Variants in PPARGC1A observed in about 807,000 individuals in gnomAD.
PPARGC1A encodes the protein PPARG coactivator 1 alpha.
Under a neutral mutation model 88.7 loss-of-function variants are expected in PPARGC1A, and 25 were observed. The ratio of observed to expected loss-of-function variants is 0.28; its 90% CI spans 0.21 to 0.39. The LOEUF is 0.39. PPARGC1A is among the 10% of genes least tolerant of loss of function. PPARGC1A has a pLI of 1.00. For synonymous variants in PPARGC1A, 363 were observed against 355.6 expected (o/e 1.02, Z -0.24); for missense variants, 880 against 968.7 (o/e 0.91, Z 1.22).
At chr4:24,448,623 C>T in the PPARGC1A span, among the ~76,000 whole-genome samples, 5 of 152,156 alleles carry the variant, frequency 3.3e-5, no homozygotes, top group Non-Finnish European at 7.3e-5. Context: ...ACCACAGCCT[C>T]GAACTCTCCC....
At chr4:24,005,991 T>G in the PPARGC1A span, among the ~76,000 whole-genome samples, 1 of 152,184 alleles carries the variant, frequency 6.6e-6, no homozygotes, top group Non-Finnish European at 1.5e-5. Context: ...GATGCAAGAT[T>G]CCTGATTTTT....
At chr4:24,073,901 A>G in the PPARGC1A span, among the ~76,000 whole-genome samples, 1 of 152,120 alleles carries the variant, frequency 6.6e-6, no homozygotes, top group Non-Finnish European at 1.5e-5. Context: ...GTGGTGCAGG[A>G]AAGAGGGCAG....
chr4:24,217,732 G>A, the PPARGC1A span, among the ~76,000 whole-genome samples: 11 of 152,262 alleles, frequency 7.2e-5, no homozygotes, highest in East Asian at 1.9e-4. Flanking sequence ...GAGCCCAGGC[G>A]GCAGAGGTTG....
At chr4:23,901,226 C>T (rs1719307756), upstream of PPARGC1A, among the ~76,000 whole-genome samples, 1 of 152,066 alleles carries the variant, frequency 6.6e-6, no homozygotes, top group Non-Finnish European at 1.5e-5. Context: ...AAAAATTAGC[C>T]AGGCGTGGTG....
the PPARGC1A span, among the ~76,000 whole-genome samples, chr4:24,145,190 C>T: frequency 3.3e-5 from 5 of 151,586 alleles, no homozygotes; most frequent in Non-Finnish European, 5.9e-5. Flanking sequence ...TCCTCATAAC[C>T]GTCCTATAAG....
the PPARGC1A span, among the ~76,000 whole-genome samples, chr4:24,379,762 G>C: frequency 4.0e-5 from 6 of 150,072 alleles, no homozygotes; most frequent in Non-Finnish European, 8.9e-5. Flanking sequence ...TTCTTTCTTT[G>C]AACTTTATTA....
the PPARGC1A span, among the ~76,000 whole-genome samples, chr4:24,368,161 T>A: frequency 6.6e-6 from 1 of 152,200 alleles, no homozygotes; most frequent in South Asian, 2.1e-4. Context: ...GAGACGTGAA[T>A]CGTCTTAACC....
chr4:24,363,499 T>C, the PPARGC1A span, among the ~76,000 whole-genome samples: 1 of 152,206 alleles, frequency 6.6e-6, no homozygotes, highest in African/African-American at 2.4e-5. Context: ...ATTAAAGTGT[T>C]ACTAAATATT....
the PPARGC1A span, among the ~76,000 whole-genome samples, chr4:24,432,738 A>T: frequency 6.6e-6 from 1 of 152,002 alleles, no homozygotes. Flanking sequence ...ACAACTGGGG[A>T]CTGTAATATC....
At chr4:24,118,759 T>C in the PPARGC1A span, among the ~76,000 whole-genome samples, 19 of 152,152 alleles carry the variant, frequency 1.2e-4, no homozygotes, top group African/African-American at 4.1e-4. Flanking sequence ...GCTTAACATA[T>C]ACACATGGGA....
the PPARGC1A span, among the ~76,000 whole-genome samples, chr4:24,143,246 C>T: frequency 6.6e-6 from 1 of 152,102 alleles, no homozygotes; most frequent in African/African-American, 2.4e-5. Context: ...TGCTGTGCCC[C>T]AGGCACTGGG....
At chr4:24,272,898 C>A in the PPARGC1A span, among the ~76,000 whole-genome samples, 6 of 152,302 alleles carry the variant, frequency 3.9e-5, no homozygotes, top group South Asian at 1.2e-3. Flanking sequence ...TGTGATCATG[C>A]AGACCCAGGT....
the PPARGC1A span, among the ~76,000 whole-genome samples, chr4:24,190,729 G>T: frequency 1.3e-5 from 2 of 152,046 alleles, no homozygotes. Flanking sequence ...TCAGCTGCAG[G>T]TCTTCACAGC....
upstream of PPARGC1A, among the ~76,000 whole-genome samples, chr4:23,907,552 C>A (rs1028435997): frequency 6.6e-6 from 1 of 152,138 alleles, no homozygotes; most frequent in Non-Finnish European, 1.5e-5. Flanking sequence ...TACCTCAATA[C>A]CACTAGTTAA....
At chr4:24,377,429 A>G in the PPARGC1A span, among the ~76,000 whole-genome samples, 14 of 152,228 alleles carry the variant, frequency 9.2e-5, no homozygotes, top group African/African-American at 3.1e-4. Flanking sequence ...GTTGTATTGC[A>G]TAAATATGCA....
At chr4:24,282,957 G>C in the PPARGC1A span, among the ~76,000 whole-genome samples, 5 of 152,174 alleles carry the variant, frequency 3.3e-5, no homozygotes, top group African/African-American at 1.2e-4. Context: ...CCTAACCGTA[G>C]GTGATTGATG....
At chr4:24,017,233 T>C in the PPARGC1A span, among the ~76,000 whole-genome samples, 101 of 152,158 alleles carry the variant, frequency 6.6e-4, no homozygotes, top group Non-Finnish European at 1.2e-3. Flanking sequence ...TTAAAAAATT[T>C]AGGCAGTATT....
At chr4:24,202,919 G>T in the PPARGC1A span, among the ~76,000 whole-genome samples, 19 of 152,290 alleles carry the variant, frequency 1.2e-4, no homozygotes, top group African/African-American at 4.6e-4. Flanking sequence ...AGAGTCCACA[G>T]TGCCAGTGAC....
chr4:24,287,591 C>G, the PPARGC1A span, among the ~76,000 whole-genome samples: 11 of 151,026 alleles, frequency 7.3e-5, no homozygotes, highest in African/African-American at 9.8e-5. Flanking sequence ...GATACAGAAC[C>G]AAGAGCTCCC....
Sources: gnomAD v4.1 joint callset for allele counts (sites outside exome capture counted in the v4.1 genomes callset) on GRCh38, gnomAD v4.1.1 for gene constraint, MANE v1.5 for transcripts, NCBI Gene and HGNC (gene_info 2026-07-23, HGNC 2026-07-21) for gene names.